MALRD1: variants seen among roughly 807,000 people sequenced by gnomAD.
MALRD1 encodes MAM and LDL receptor class A domain containing 1.
MALRD1 carries 247 observed loss-of-function variants against 242.1 expected under a neutral mutation model. The observed-to-expected ratio is 1.02, with a 90% CI of 0.92 to 1.13. The LOEUF (loss-of-function observed/expected upper bound fraction) is 1.13, where lower values mean the gene tolerates loss of function less well. Among genes scored for constraint, MALRD1 ranks in the 50% most tolerant of loss-of-function variants. The pLI is 0.00. For missense variants in MALRD1, 2,989 were observed against 2,533.1 expected (o/e 1.18, Z -3.86); for synonymous variants, 995 against 866.6 (o/e 1.15, Z -2.60).
Position 19,175,188 on chromosome 10 carries a change from T to G in MALRD1, c.1831-20T>G. The G allele has an allele frequency of 4.1e-6, 5 of 1,225,438 alleles. No individual in the cohort carries two copies. Among genetic ancestry groups the G allele is most frequent in the Middle Eastern group, 3.1e-4 (1 of 3,176 alleles). 75.9% of individuals were successfully genotyped at this position (1,225,438 alleles called of 1,614,324 possible). A position where few individuals can be genotyped will look rare whatever the true frequency, so the allele number is the denominator to read the frequency against. ...CTTTTGTGATGTGTTTTTAACAGTT[T>G]TATCTTTCTGTAATTATAGTTAATT... On this transcript the variant is annotated intron_variant, in intron 13 of 39. Coordinates refer to ENST00000454679, the MANE Select transcript of MALRD1 (RefSeq NM_001142308.3).
At chr10:19,668,544 A>G (rs1353310106) in intron 36 of MALRD1, among the ~76,000 whole-genome samples, 2 of 152,170 alleles carry the variant, frequency 1.3e-5, no homozygotes, top group African/African-American at 4.8e-5. Context: ...AAACTAGTAA[A>G]TCAACAGATT....
At chr10:19,655,662 C>T (rs1339020032) in intron 36 of MALRD1, among the ~76,000 whole-genome samples, 1 of 148,984 alleles carries the variant, frequency 6.7e-6, no homozygotes, top group African/African-American at 2.5e-5. Context: ...TACTCATTGT[C>T]GAAAAAAAAT....
intron 12 of MALRD1, among the ~76,000 whole-genome samples, chr10:19,163,678 G>A (rs1834543423): frequency 6.6e-6 from 1 of 152,122 alleles, no homozygotes; most frequent in Non-Finnish European, 1.5e-5. Context: ...AAAACAATGA[G>A]TTGAAAACAA....
At chr10:19,623,117 G>A (rs1049341215) in intron 36 of MALRD1, among the ~76,000 whole-genome samples, 1 of 151,784 alleles carries the variant, frequency 6.6e-6, no homozygotes, top group Non-Finnish European at 1.5e-5. Context: ...TGACTCAAAT[G>A]CAATTGCATT....
chr10:19,110,131 G>A (rs1836624535), intron 5 of MALRD1, among the ~76,000 whole-genome samples: 1 of 152,186 alleles, frequency 6.6e-6, no homozygotes, highest in African/African-American at 2.4e-5. Flanking sequence ...AGCTGCTGTT[G>A]TCAAAATGTG....
intron 36 of MALRD1, among the ~76,000 whole-genome samples, chr10:19,624,897 AAAG>A (rs1204160257): frequency 6.7e-6 from 1 of 149,560 alleles, no homozygotes; most frequent in East Asian, 2.0e-4. Context: ...AAAAAAAAAA[AAAG>A]ATCGGGAACA....
At chr10:19,531,387 A>G in intron 32 of MALRD1, 36 bp downstream of exon 32, 1 of 1,495,154 alleles carries the variant, frequency 6.7e-7, no homozygotes, top group Non-Finnish European at 9.0e-7. Flanking sequence ...GATCACTGAA[A>G]TATGCATGAC....
At chr10:19,636,322 C>T (rs1840123116) in intron 36 of MALRD1, among the ~76,000 whole-genome samples, 1 of 151,998 alleles carries the variant, frequency 6.6e-6, no homozygotes, top group African/African-American at 2.4e-5. Context: ...ATTGACTTTC[C>T]AATAAAGCAA....
chr10:19,591,641 G>C (rs1267821058), intron 33 of MALRD1, among the ~76,000 whole-genome samples: 1 of 151,936 alleles, frequency 6.6e-6, no homozygotes, highest in Non-Finnish European at 1.5e-5. Context: ...TGGGATTACG[G>C]GCGTGTGCCA....
chr10:19,536,152 C>G (rs1398040336), intron 32 of MALRD1, among the ~76,000 whole-genome samples: 1 of 152,002 alleles, frequency 6.6e-6, no homozygotes, highest in African/African-American at 2.4e-5. Context: ...TTTCTACCTT[C>G]CTAGGTAGGT....
intron 28 of MALRD1, among the ~76,000 whole-genome samples, chr10:19,404,198 AAC>A (rs1211129330): frequency 6.6e-6 from 1 of 152,044 alleles, no homozygotes; most frequent in Non-Finnish European, 1.5e-5. Flanking sequence ...GGAGATTGTG[AAC>A]AGTTTTATTT....
chr10:19,527,669 A>T (rs1834166254), intron 31 of MALRD1, among the ~76,000 whole-genome samples: 1 of 152,200 alleles, frequency 6.6e-6, no homozygotes, highest in Non-Finnish European at 1.5e-5. Flanking sequence ...TTATACAAAC[A>T]TATTAGTTAT....
intron 33 of MALRD1, among the ~76,000 whole-genome samples, chr10:19,573,697 A>T (rs898463869): frequency 6.6e-6 from 1 of 152,186 alleles, no homozygotes. Context: ...TAAGAGTTGC[A>T]TTAACCACTT....
chr10:19,672,547 C>G (rs1304234755), intron 36 of MALRD1, among the ~76,000 whole-genome samples: 2 of 151,816 alleles, frequency 1.3e-5, no homozygotes, highest in African/African-American at 2.4e-5. Flanking sequence ...CCTCAGCTTC[C>G]CGAGTAGCTG....
chr10:19,457,858 A>T (rs1042093399), intron 29 of MALRD1, among the ~76,000 whole-genome samples: 13 of 151,756 alleles, frequency 8.6e-5, no homozygotes, highest in Non-Finnish European at 8.8e-5. Flanking sequence ...AACATTGTTA[A>T]GTGATGTTTT....
chr10:19,483,772 A>T (rs746643784), intron 29 of MALRD1, among the ~76,000 whole-genome samples: 3 of 152,108 alleles, frequency 2.0e-5, no homozygotes, highest in Non-Finnish European at 4.4e-5. Flanking sequence ...CCATTACTGG[A>T]TATATATTCA....
chr10:19,372,042 T>C (rs1845403570), intron 26 of MALRD1, among the ~76,000 whole-genome samples: 1 of 152,196 alleles, frequency 6.6e-6, no homozygotes, highest in Non-Finnish European at 1.5e-5. Flanking sequence ...AATTACATCA[T>C]TGAATTGATT....
intron 11 of MALRD1, among the ~76,000 whole-genome samples, chr10:19,152,621 T>G (rs1833983994): frequency 6.6e-6 from 1 of 152,144 alleles, no homozygotes; most frequent in Non-Finnish European, 1.5e-5. Context: ...GCTGTTTATG[T>G]ATCTGGAAAC....
chr10:19,635,104 CA>C (rs1447390524), intron 36 of MALRD1, among the ~76,000 whole-genome samples: 6 of 152,130 alleles, frequency 3.9e-5, no homozygotes, highest in African/African-American at 1.4e-4. Context: ...GATGGCAGCA[CA>C]GGGACCTTGA....
Sources: allele counts gnomAD v4.1 joint callset (sites outside exome capture counted in the v4.1 genomes callset), GRCh38; gene constraint gnomAD v4.1.1; transcripts MANE v1.5; gene names NCBI Gene and HGNC (gene_info 2026-07-23, HGNC 2026-07-21).